Variants in MYT1L observed in about 807,000 individuals in gnomAD.
MYT1L encodes myelin transcription factor 1-like protein.
MYT1L carries 12 observed loss-of-function variants against 126.7 expected under a neutral mutation model. That is an observed-to-expected ratio of 0.09 (90% CI 0.06 to 0.15). MYT1L has a LOEUF of 0.15. Among genes scored for constraint, MYT1L ranks in the 10% least tolerant of loss-of-function variants. MYT1L has a pLI of 1.00. For synonymous variants in MYT1L, 541 were observed against 604.2 expected (o/e 0.90, Z 1.53); for missense variants, 979 against 1,585.2 (o/e 0.62, Z 6.49).
chr2:1,865,344 A>C (rs1298513495), intron 18 of MYT1L, among the ~76,000 whole-genome samples: 1 of 152,054 alleles, frequency 6.6e-6, no homozygotes, highest in Admixed American at 6.5e-5. Context: ...GTGGGCTTTG[A>C]GGCTGAGGCA....
chr2:2,109,335 C>T (rs973856218), intron 3 of MYT1L, among the ~76,000 whole-genome samples: 46 of 152,150 alleles, frequency 3.0e-4, no homozygotes, highest in African/African-American at 1.0e-3. Flanking sequence ...GATCCAGCCC[C>T]CTCCAGATTC....
At chr2:1,905,434 A>G (rs977015821) in intron 13 of MYT1L, among the ~76,000 whole-genome samples, 1 of 151,526 alleles carries the variant, frequency 6.6e-6, no homozygotes, top group African/African-American at 2.4e-5. Context: ...GCTCAATGCA[A>G]CCTCCACCTC....
chr2:2,231,342 T>C (rs191993665), intron 2 of MYT1L, among the ~76,000 whole-genome samples: 77 of 152,362 alleles, frequency 5.1e-4, no homozygotes, highest in Admixed American at 2.7e-3. Flanking sequence ...TTGATTGCAG[T>C]CTGTCTATTA....
chr2:2,264,404 A>C (rs28568817), intron 2 of MYT1L, among the ~76,000 whole-genome samples: 12,894 of 151,294 alleles, frequency 0.085, 631 homozygotes, highest in South Asian at 0.13. Context: ...CCCCACCCCC[A>C]AAAAAAATCC....
At chr2:1,838,837 A>G (rs1000007445) in intron 21 of MYT1L, among the ~76,000 whole-genome samples, 8 of 152,160 alleles carry the variant, frequency 5.3e-5, no homozygotes, top group Admixed American at 4.6e-4. Context: ...AACTACATCT[A>G]AAGACCCTCA....
intron 17 of MYT1L, 45 bp from the exon 18 acceptor site, chr2:1,886,652 C>A: frequency 7.5e-7 from 1 of 1,329,328 alleles, no homozygotes. Context: ...CTGCGAAGCG[C>A]GTAACTCCCA....
chr2:1,812,428 G>A (rs2036812150), intron 21 of MYT1L, among the ~76,000 whole-genome samples: 1 of 152,216 alleles, frequency 6.6e-6, no homozygotes, highest in African/African-American at 2.4e-5. Context: ...TAGGTGCCCA[G>A]TGACGACTTC....
intron 9 of MYT1L, among the ~76,000 whole-genome samples, chr2:1,926,048 A>C (rs1196200892): frequency 6.6e-6 from 1 of 152,192 alleles, no homozygotes; most frequent in African/African-American, 2.4e-5. Flanking sequence ...GCATCTGAGC[A>C]CAGAGCCTGC....
At chr2:2,114,199 C>A (rs1575257321) in intron 3 of MYT1L, among the ~76,000 whole-genome samples, 1 of 152,352 alleles carries the variant, frequency 6.6e-6, no homozygotes, top group East Asian at 1.9e-4. Flanking sequence ...ATCTGACCTT[C>A]AAAATGTGGT....
intron 2 of MYT1L, among the ~76,000 whole-genome samples, chr2:2,175,051 T>C (rs1327295124): frequency 6.6e-6 from 1 of 152,070 alleles, no homozygotes; most frequent in African/African-American, 2.4e-5. Flanking sequence ...CCTTTCTATG[T>C]GTGTTGTATG....
chr2:1,857,963 A>C (rs1452045853), intron 18 of MYT1L, among the ~76,000 whole-genome samples: 1 of 152,032 alleles, frequency 6.6e-6, no homozygotes, highest in African/African-American at 2.4e-5. Flanking sequence ...CCCAGGTTCA[A>C]GTGATTCTCC....
chr2:2,222,654 G>A (rs1447978054), intron 2 of MYT1L, among the ~76,000 whole-genome samples: 1 of 151,964 alleles, frequency 6.6e-6, no homozygotes, highest in African/African-American at 2.4e-5. Flanking sequence ...ATCCTAAAGA[G>A]GGCTAAGATG....
intron 2 of MYT1L, among the ~76,000 whole-genome samples, chr2:2,187,554 A>G (rs544955287): frequency 3.1e-4 from 47 of 151,960 alleles, no homozygotes; most frequent in Admixed American, 8.5e-4. Context: ...GGAAAGGAAC[A>G]GGCACCAAAC....
intron 23 of MYT1L, among the ~76,000 whole-genome samples, chr2:1,800,644 CG>C (rs2034672415): frequency 6.6e-6 from 1 of 152,182 alleles, no homozygotes; most frequent in South Asian, 2.1e-4. Flanking sequence ...TGACCACACC[CG>C]GCTGACTATG....
intron 4 of MYT1L, among the ~76,000 whole-genome samples, chr2:2,009,759 G>A (rs1035476879): frequency 4.6e-5 from 7 of 152,162 alleles, no homozygotes; most frequent in African/African-American, 1.7e-4. Flanking sequence ...TAGAAGTGGC[G>A]AGAGAGGGCA....
At chr2:1,924,121 G>GT (rs1160517562) in intron 9 of MYT1L, among the ~76,000 whole-genome samples, 3 of 152,244 alleles carry the variant, frequency 2.0e-5, no homozygotes, top group Admixed American at 2.0e-4. Context: ...CTTGGTGAGC[G>GT]GGTATAATGT....
intron 23 of MYT1L, among the ~76,000 whole-genome samples, chr2:1,799,983 A>C (rs1283495456): frequency 2.0e-5 from 3 of 152,176 alleles, no homozygotes; most frequent in Non-Finnish European, 4.4e-5. Flanking sequence ...CCATGATTGT[A>C]AATTTCCTGA....
intron 9 of MYT1L, among the ~76,000 whole-genome samples, chr2:1,931,399 G>A (rs538862098): frequency 7.8e-4 from 118 of 151,782 alleles, no homozygotes; most frequent in African/African-American, 2.8e-3. Flanking sequence ...CGTCTGCTGC[G>A]CCTTGCAAGT....
intron 8 of MYT1L, among the ~76,000 whole-genome samples, chr2:1,969,417 T>G (rs982861718): frequency 6.6e-6 from 1 of 152,208 alleles, no homozygotes; most frequent in Non-Finnish European, 1.5e-5. Context: ...CCAGGCCTGT[T>G]TGTTGGCCAC....
Sources: allele counts gnomAD v4.1 joint callset (sites outside exome capture counted in the v4.1 genomes callset), GRCh38; gene constraint gnomAD v4.1.1; transcripts MANE v1.5; gene names NCBI Gene and HGNC (gene_info 2026-07-23, HGNC 2026-07-21).